The following IZUMO1 variants were observed in gnomAD, a reference collection of about 807,000 sequenced individuals.
IZUMO1 encodes izumo sperm-egg fusion protein 1.
A neutral mutation model predicts 40.7 loss-of-function variants in IZUMO1; 44 were observed. The ratio of observed to expected loss-of-function variants is 1.08; its 90% CI spans 0.85 to 1.39. The LOEUF (loss-of-function observed/expected upper bound fraction) is 1.39. Among genes scored for constraint, IZUMO1 ranks in the 40% most tolerant of loss-of-function variants. IZUMO1 has a pLI of 0.00. For missense variants in IZUMO1, 368 were observed against 436.9 expected (o/e 0.84, Z 1.41); for synonymous variants, 149 against 170.9 (o/e 0.87, Z 1.00).
intron 6 of IZUMO1, 46 bp downstream of exon 6, chr19:48,743,399 C>G: frequency 6.3e-7 from 1 of 1,599,434 alleles, no homozygotes; most frequent in Non-Finnish European, 8.6e-7. Flanking sequence ...TCCTCTCGCC[C>G]CACCCCACCT....
In IZUMO1 at chr19:48,742,352, T is replaced by C. The variant is rs766639807; in HGVS notation, c.500-43A>G. 2.0e-5 allele frequency: 28 copies of C among 1,400,648 alleles called. No individual in the cohort carries two copies. The East Asian group carries it at 6.0e-4, about 30-fold the overall frequency. 86.8% of individuals were successfully genotyped at this position (1,400,648 alleles called of 1,614,324 possible). On this transcript the variant is annotated intron_variant, in intron 6 of 9. Transcript: ENST00000332955. ...CCATGGGACACTCATGATTCTGTTT[T>C]TGTTTTTGTTTTTGAGATGGAGACT...
chr19:48,742,725 C>CTTTTTTT lies in IZUMO1; in HGVS notation c.500-423_500-417dup, dbSNP rs34894807. On this transcript the variant is annotated intron_variant, in intron 6 of 9. Coordinates refer to ENST00000332955, the MANE Select transcript of IZUMO1 (RefSeq NM_182575.3). ...TCTTTTCTCTTTTCTTTCTCTCTCT[C>CTTTTTTT]TTTTTTTTTTTTTTTTTTTTTAGAT... Among the ~76,000 whole-genome samples the CTTTTTTT allele has an allele frequency of 2.1e-5, 2 of 93,484 alleles. 1 individual carries two copies. Among genetic ancestry groups the CTTTTTTT allele is most frequent in the African/African-American group, 8.7e-5 (2 of 22,978 alleles). The allele number at this position is 93,484 out of a possible 152,430, so 61.3% of individuals were successfully genotyped here.
Position 48,741,250 on chromosome 19 carries a change from G to A in IZUMO1, c.932+51C>T, listed in dbSNP as rs1318343317. ...CAGCTTCTGTGTTGGGTTCCTGGAA[G>A]CCCCGCCCCTTACTCCAAGCCAAGC... On this transcript the variant is annotated intron_variant, in intron 9 of 9. Coordinates refer to ENST00000332955, the MANE Select transcript of IZUMO1 (RefSeq NM_182575.3). The surrounding 1 kb of genome is among the most constrained non-coding windows in gnomAD (Gnocchi z 4.4). 4 of 1,514,140 alleles carry A rather than the reference G, an allele frequency of 2.6e-6. No homozygotes were observed. In the South Asian group the frequency reaches 4.9e-5, roughly 18 times the overall value. The allele number at this position is 1,514,140 out of a possible 1,614,324, so 93.8% of individuals were successfully genotyped here.
intron 2 of IZUMO1, 115 bp from the exon 3 acceptor site, chr19:48,745,403 T>G (rs1022161840): frequency 4.6e-6 from 5 of 1,085,814 alleles, no homozygotes; most frequent in Non-Finnish European, 6.9e-6. Context: ...GGTTAAGGAC[T>G]CAGCCGCCCG....
At chr19:48,745,122 G>T in intron 3 of IZUMO1, 92 bp downstream of exon 3, 1 of 1,073,790 alleles carries the variant, frequency 9.3e-7, no homozygotes, top group Non-Finnish European at 1.4e-6. Context: ...GGCGGTCTGG[G>T]TCCACAGCCT....
chr19:48,743,758 C>A, intron 5 of IZUMO1: 7 of 550,406 alleles, frequency 1.3e-5, no homozygotes, highest in Non-Finnish European at 2.3e-5. Flanking sequence ...TTTGGGAGGC[C>A]GAGGCGGGCG....
intron 6 of IZUMO1, 69 bp from the exon 7 acceptor site, chr19:48,742,378 C>T (rs1389615333): frequency 4.6e-6 from 5 of 1,075,466 alleles, no homozygotes; most frequent in Non-Finnish European, 7.2e-6. Context: ...GATGGAGACT[C>T]GCTCTGTCGC....
chr19:48,745,381 A>C (rs2033850447), intron 2 of IZUMO1, 93 bp from the exon 3 acceptor site: 10 of 1,242,150 alleles, frequency 8.1e-6, no homozygotes, highest in Non-Finnish European at 1.2e-5. Context: ...GCCACTGGGC[A>C]AAGATAGGCC....
In IZUMO1 at chr19:48,741,286, C is replaced by A; in HGVS notation, c.932+15G>T. On this transcript the variant is annotated intron_variant, in intron 9 of 9. Coordinates refer to ENST00000332955, the MANE Select transcript of IZUMO1 (RefSeq NM_182575.3). This position sits in a 1 kb window ranked among gnomAD's most constrained non-coding sequence, Gnocchi z 4.4. ...TACTCCAAGCCAAGCCTGTCTTCTT[C>A]AATGGGTTGCTTACGCAAAGGTAAG... The A allele has an allele frequency of 6.3e-7, 1 of 1,575,176 alleles. No homozygotes were observed. Among genetic ancestry groups the A allele is most frequent in the South Asian group, 1.1e-5 (1 of 89,394 alleles).
Position 48,746,707 on chromosome 19 carries a change from G to A in IZUMO1, c.-346C>T. Reference sequence around the variant, plus strand: ...GGTTCTGAGGGCTTTTAAAGAGGAAGCCGGGGTCATGACCACCTACGCTAA... The same window carrying A: ...GGTTCTGAGGGCTTTTAAAGAGGAAACCGGGGTCATGACCACCTACGCTAA... On this transcript the variant is annotated 5_prime_UTR_variant, in exon 1 of 10. Coordinates refer to ENST00000332955, the MANE Select transcript of IZUMO1 (RefSeq NM_182575.3). 1 of 985,500 alleles carries A rather than the reference G, an allele frequency of 1.0e-6. No homozygotes were observed. The highest frequency in any genetic ancestry group is 1.2e-6 in the Non-Finnish European group (1 of 829,950). The allele number at this position is 985,500 out of a possible 1,614,324, so 61.0% of individuals were successfully genotyped here. A position where few individuals can be genotyped will look rare whatever the true frequency, so the allele number is the denominator to read the frequency against.
Position 48,741,066 on chromosome 19 carries a change from T to C in IZUMO1, c.933-38A>G. The C allele has an allele frequency of 6.2e-7, 1 of 1,612,244 alleles. No homozygotes were observed. Among genetic ancestry groups the C allele is most frequent in the African/African-American group, 1.3e-5 (1 of 74,978 alleles). ...GTGGGGTGCAGATCATGGAACCGGT[T>C]TGGGTACTAATTGTGTGGGGGACAC... On this transcript the variant is annotated intron_variant, in intron 9 of 9. Transcript: ENST00000332955. This position sits in a 1 kb window ranked among gnomAD's most constrained non-coding sequence, Gnocchi z 4.4.
chr19:48,742,602 C>T (rs2033742774), intron 6 of IZUMO1, among the ~76,000 whole-genome samples: 1 of 152,066 alleles, frequency 6.6e-6, no homozygotes, highest in Admixed American at 6.6e-5. Context: ...CCTGCCTCAG[C>T]ATCCCAAAGT....
At position 48,740,868 on chromosome 19, in the gene IZUMO1, C is replaced by T. The variant is rs2033663172; in HGVS notation, c.*40G>A. ...ACCAAAGGCTAGAATCAGTCCCGTCCCGGGGAGTGAGTCAGATGCTTAGAC... is the reference window on the plus strand; with the variant it reads ...ACCAAAGGCTAGAATCAGTCCCGTCTCGGGGAGTGAGTCAGATGCTTAGAC... On this transcript the variant is annotated 3_prime_UTR_variant, in exon 10 of 10. Transcript: ENST00000332955. The surrounding 1 kb of genome is among the most constrained non-coding windows in gnomAD (Gnocchi z 5.5). 1.2e-6 allele frequency: 2 copies of T among 1,613,374 alleles called. No individual in the cohort carries two copies. Among genetic ancestry groups the T allele is most frequent in the Admixed American group, 1.7e-5 (1 of 59,954 alleles).
In IZUMO1 at chr19:48,741,286, C is replaced by G; in HGVS notation, c.932+15G>C. 1 of 1,575,176 alleles carries G rather than the reference C, an allele frequency of 6.3e-7. No individual in the cohort carries two copies. The highest frequency in any genetic ancestry group is 8.6e-7 in the Non-Finnish European group (1 of 1,161,356). On this transcript the variant is annotated intron_variant, in intron 9 of 9. Coordinates refer to ENST00000332955, the MANE Select transcript of IZUMO1 (RefSeq NM_182575.3). The surrounding 1 kb of genome is among the most constrained non-coding windows in gnomAD (Gnocchi z 4.4). The stretch of plus-strand genomic sequence containing the variant: ...TACTCCAAGCCAAGCCTGTCTTCTT[C>G]AATGGGTTGCTTACGCAAAGGTAAG...
chr19:48,746,620 C>G lies in IZUMO1; in HGVS notation c.-259G>C. 1.0e-6 allele frequency: 1 copy of G among 985,494 alleles called. No homozygotes were observed. Among genetic ancestry groups the G allele is most frequent in the East Asian group, 1.1e-4 (1 of 8,942 alleles). The allele number at this position is 985,494 out of a possible 1,614,324, so 61.0% of individuals were successfully genotyped here. ...CAGTGATGCACCCTAAACAGCCGCTCCCCGACCTTGGTTCCCGATTTGTGG... is the reference window on the plus strand; with the variant it reads ...CAGTGATGCACCCTAAACAGCCGCTGCCCGACCTTGGTTCCCGATTTGTGG... On this transcript the variant is annotated 5_prime_UTR_variant, in exon 1 of 10. Transcript: ENST00000332955.
intron 6 of IZUMO1, 91 bp from the exon 7 acceptor site, chr19:48,742,400 T>A (rs2033731927): frequency 1.0e-5 from 9 of 888,180 alleles, no homozygotes; most frequent in Admixed American, 3.5e-5. Flanking sequence ...CAGGCTGGAA[T>A]GCATTGGCGC....
rs1175215008 is a variant in IZUMO1 at position 48,743,502 on chromosome 19, A to G, written c.442T>C (p.Trp148Arg). 6.2e-7 allele frequency: 1 copy of G among 1,614,164 alleles called. No homozygotes were observed. Among genetic ancestry groups the G allele is most frequent in the Non-Finnish European group, 8.5e-7 (1 of 1,180,012 alleles). Residue 148 changes from tryptophan (W) to arginine (R), a missense_variant, in exon 6 of 10, where the codon TGG becomes CGG. Trp to Arg is a moderately radical substitution (Grantham distance 101). Transcript: ENST00000332955. Reference sequence around the variant, plus strand: ...ACCTCCTTTTTGCAGTTCTTGCACCAGATCAGAGTTTGCAACATCACACCT... The same window carrying G: ...ACCTCCTTTTTGCAGTTCTTGCACCGGATCAGAGTTTGCAACATCACACCT... ...KCGVMLQTLI[W>R]CKNCKKEVHA...
chr19:48,742,559 G>C (rs2033740320), intron 6 of IZUMO1, among the ~76,000 whole-genome samples: 1 of 151,904 alleles, frequency 6.6e-6, no homozygotes, highest in African/African-American at 2.4e-5. Flanking sequence ...TATTGGACAG[G>C]CTGGTCTGGA....
intron 3 of IZUMO1, 59 bp from the exon 4 acceptor site, chr19:48,744,598 C>A: frequency 1.6e-6 from 2 of 1,253,726 alleles, no homozygotes; most frequent in East Asian, 2.4e-5. Flanking sequence ...TTACTTCTGC[C>A]TGCAGAGTCT....
Sources: allele counts gnomAD v4.1 joint callset (sites outside exome capture counted in the v4.1 genomes callset), GRCh38; gene constraint gnomAD v4.1.1; non-coding constraint Gnocchi (gnomAD v3.1); transcripts MANE v1.5; gene names NCBI Gene and HGNC (gene_info 2026-07-23, HGNC 2026-07-21).